Variants in BRINP1 observed in about 807,000 individuals in gnomAD.
BRINP1 encodes the protein BMP/retinoic acid-inducible neural-specific protein 1.
In BRINP1, 17 loss-of-function variants were observed where a neutral mutation model predicts 72.9. That is an observed-to-expected ratio of 0.23 (90% confidence interval 0.16 to 0.35). The LOEUF (loss-of-function observed/expected upper bound fraction) is 0.35. Among genes scored for constraint, BRINP1 ranks in the 10% least tolerant of loss-of-function variants. The pLI is 1.00. For missense variants in BRINP1, 850 were observed against 1,001.6 expected (o/e 0.85, Z 2.04); for synonymous variants, 418 against 378.5 (o/e 1.10, Z -1.21).
intron 7 of BRINP1, among the ~76,000 whole-genome samples, chr9:119,173,673 C>T (rs1317281809): frequency 7.0e-5 from 10 of 141,964 alleles, no homozygotes; most frequent in Admixed American, 2.1e-4. Context: ...AAAAAGAGCC[C>T]GCATCGCCAA....
intron 4 of BRINP1, among the ~76,000 whole-genome samples, chr9:119,240,139 C>A (rs1423774668): frequency 6.6e-6 from 1 of 151,950 alleles, no homozygotes; most frequent in African/African-American, 2.4e-5. Flanking sequence ...CATGGTGGCG[C>A]GCACCTGTAG....
rs553461051 is a variant in BRINP1, at chr9:119,206,407, G to A, written c.1145+2312C>T. ...TGCACTCTAGCCTGGGCAACAAAGC[G>A]AGACTCCATCTCAAAAAAAAAAAAA... On this transcript the variant is annotated intron_variant, in intron 7 of 7. Coordinates refer to ENST00000265922, the MANE Select transcript of BRINP1 (RefSeq NM_014618.3). Among the ~76,000 whole-genome samples, 7 of 124,874 alleles carry A rather than the reference G, an allele frequency of 5.6e-5. No individual in the cohort carries two copies. In the East Asian group the frequency reaches 7.1e-4, roughly 13 times the overall value. The allele number at this position is 124,874 out of a possible 152,430, so 81.9% of individuals were successfully genotyped here. A position where few individuals can be genotyped will look rare whatever the true frequency, so the allele number is the denominator to read the frequency against.
In BRINP1 at chr9:119,166,742, CT is replaced by C. The variant is rs1829317049; in HGVS notation, c.*341del. ...TCTCTCTTTCTTTTTAGTGTTTAAT[CT>C]TAGCACCTGCACAGCAGAGATCTTT... On this transcript the variant is annotated 3_prime_UTR_variant, in exon 8 of 8. Transcript: ENST00000265922. 1.0e-5 allele frequency: 2 copies of C among 195,694 alleles called. No individual in the cohort carries two copies. Among genetic ancestry groups the C allele is most frequent in the Admixed American group, 1.1e-4 (2 of 17,884 alleles). 12.1% of individuals were successfully genotyped at this position (195,694 alleles called of 1,614,324 possible).
intron 7 of BRINP1, among the ~76,000 whole-genome samples, chr9:119,207,369 GT>G (rs1829869829): frequency 2.0e-5 from 3 of 152,146 alleles, no homozygotes; most frequent in South Asian, 4.1e-4. Flanking sequence ...AGTCATCGTG[GT>G]TTTTGCTGTT....
chr9:119,268,257 T>C (rs926812475), intron 2 of BRINP1, among the ~76,000 whole-genome samples: 1 of 126,010 alleles, frequency 7.9e-6, no homozygotes, highest in African/African-American at 2.7e-5. Context: ...AATAGATAGA[T>C]AGATAGATAG....
chr9:119,292,060 A>T (rs1411441454), intron 2 of BRINP1, among the ~76,000 whole-genome samples: 1 of 152,244 alleles, frequency 6.6e-6, no homozygotes, highest in African/African-American at 2.4e-5. Context: ...TGAGAAGGCA[A>T]AGAATTCACA....
At chr9:119,219,395 G>A (rs1252761743) in intron 5 of BRINP1, among the ~76,000 whole-genome samples, 1 of 152,018 alleles carries the variant, frequency 6.6e-6, no homozygotes, top group Non-Finnish European at 1.5e-5. Context: ...ATTATTATTG[G>A]TCTTCGTTTT....
intron 1 of BRINP1, among the ~76,000 whole-genome samples, chr9:119,316,704 C>A (rs1188961414): frequency 6.6e-6 from 1 of 152,032 alleles, no homozygotes; most frequent in Admixed American, 6.6e-5. Context: ...AAAAAAGATT[C>A]CTTTCAATAT....
intron 2 of BRINP1, among the ~76,000 whole-genome samples, chr9:119,300,927 A>G (rs1490476718): frequency 6.6e-6 from 1 of 152,214 alleles, no homozygotes; most frequent in Non-Finnish European, 1.5e-5. Context: ...TTCCCGCTGT[A>G]CCACCAGCCA....
chr9:119,192,616 G>A (rs230086), intron 7 of BRINP1, among the ~76,000 whole-genome samples: 48,820 of 151,884 alleles, frequency 0.32, 9,710 homozygotes, highest in African/African-American at 0.57. Flanking sequence ...GTGAGGGTGT[G>A]AAGAAAAGGA....
chr9:119,191,011 A>T (rs1829678319), intron 7 of BRINP1, among the ~76,000 whole-genome samples: 1 of 152,028 alleles, frequency 6.6e-6, no homozygotes. Context: ...CATGTATCAC[A>T]TTAACAGAAT....
At chr9:119,321,452 A>C (rs1278595945) in intron 1 of BRINP1, among the ~76,000 whole-genome samples, 2 of 152,096 alleles carry the variant, frequency 1.3e-5, no homozygotes, top group African/African-American at 4.8e-5. Context: ...CATTTCAAAG[A>C]CTTAGCAAGA....
chr9:119,270,195 C>A (rs890064602), intron 2 of BRINP1, among the ~76,000 whole-genome samples: 1 of 151,946 alleles, frequency 6.6e-6, no homozygotes, highest in Non-Finnish European at 1.5e-5. Flanking sequence ...GGAGTAATAG[C>A]GGGTAATGTT....
At chr9:119,350,570 CATATA>C (rs1488354044) in intron 1 of BRINP1, among the ~76,000 whole-genome samples, 1 of 151,928 alleles carries the variant, frequency 6.6e-6, no homozygotes, top group African/African-American at 2.4e-5. Flanking sequence ...CATGCACATT[CATATA>C]ATATAAAGAT....
chr9:119,303,026 C>T (rs1023920291), intron 2 of BRINP1, among the ~76,000 whole-genome samples: 1 of 152,066 alleles, frequency 6.6e-6, no homozygotes, highest in Non-Finnish European at 1.5e-5. Flanking sequence ...CAGGTGAGCA[C>T]TTTTATCTCA....
intron 2 of BRINP1, among the ~76,000 whole-genome samples, chr9:119,305,828 G>C (rs1587954762): frequency 6.6e-6 from 1 of 152,180 alleles, no homozygotes; most frequent in Admixed American, 6.5e-5. Flanking sequence ...AGGGATCAAT[G>C]ATTTCTTCCC....
intron 1 of BRINP1, among the ~76,000 whole-genome samples, chr9:119,316,885 G>A (rs1216457856): frequency 6.6e-6 from 1 of 151,798 alleles, no homozygotes; most frequent in Non-Finnish European, 1.5e-5. Flanking sequence ...GAGGTCAAGA[G>A]ATCGAGACTA....
chr9:119,345,732 C>T (rs1475033334), intron 1 of BRINP1, among the ~76,000 whole-genome samples: 1 of 152,140 alleles, frequency 6.6e-6, no homozygotes, highest in Non-Finnish European at 1.5e-5. Context: ...GTCTTCTGAA[C>T]CAAATCAACG....
At chr9:119,176,632 C>T (rs1451427873) in intron 7 of BRINP1, among the ~76,000 whole-genome samples, 1 of 152,032 alleles carries the variant, frequency 6.6e-6, no homozygotes, top group African/African-American at 2.4e-5. Context: ...TGAGAGGATT[C>T]AGTGAGATAA....
Sources: allele counts gnomAD v4.1 joint callset (sites outside exome capture counted in the v4.1 genomes callset), GRCh38; gene constraint gnomAD v4.1.1; transcripts MANE v1.5; gene names NCBI Gene and HGNC (gene_info 2026-07-23, HGNC 2026-07-21).